Variants in TBL1XR1 observed in about 807,000 individuals in gnomAD.
The protein encoded by TBL1XR1 is TBL1X/Y related 1, also known as F-box-like/WD repeat-containing protein TBL1XR1.
Under a neutral mutation model 66.9 loss-of-function variants are expected in TBL1XR1, and 5 were observed. The ratio of observed to expected loss-of-function variants is 0.07; its 90% CI spans 0.04 to 0.16. TBL1XR1 has a LOEUF of 0.16. Ranked by LOEUF, TBL1XR1 falls within the 10% of genes least tolerant of loss-of-function variation. The pLI is 1.00. For synonymous variants in TBL1XR1, 210 were observed against 206.0 expected, an observed-to-expected ratio of 1.02 and a Z score of -0.17; for missense variants, 238 against 623.2, an observed-to-expected ratio of 0.38 and a Z score of 6.58.
chr3:177,107,041 T>C (rs1031058987), intron 1 of TBL1XR1, among the ~76,000 whole-genome samples: 5 of 152,210 alleles, frequency 3.3e-5, no homozygotes, highest in African/African-American at 1.2e-4. Flanking sequence ...AAGCAGTTCT[T>C]CAAACACTCT....
chr3:177,042,241 A>T (rs1017348129), intron 10 of TBL1XR1, among the ~76,000 whole-genome samples: 1 of 152,114 alleles, frequency 6.6e-6, no homozygotes, highest in Non-Finnish European at 1.5e-5. Context: ...AGTGCAAAAA[A>T]ATGGGGAAGG....
At chr3:177,201,141 A>T (rs2109036373), upstream of TBL1XR1, among the ~76,000 whole-genome samples, 1 of 151,648 alleles carries the variant, frequency 6.6e-6, no homozygotes, top group Non-Finnish European at 1.5e-5. Flanking sequence ...TGCCGGGTGC[A>T]GTGGCTCACA....
chr3:177,034,069 A>T, intron 13 of TBL1XR1, 129 bp downstream of exon 13: 1 of 1,054,542 alleles, frequency 9.5e-7, no homozygotes, highest in Non-Finnish European at 1.4e-6. Flanking sequence ...TACACCAAAA[A>T]CTACTGAAAT....
chr3:177,165,757 A>C (rs1454150598), intron 1 of TBL1XR1, among the ~76,000 whole-genome samples: 1 of 152,150 alleles, frequency 6.6e-6, no homozygotes, highest in Non-Finnish European at 1.5e-5. Flanking sequence ...ATATGCAAAA[A>C]ACCAGTCTAG....
intron 1 of TBL1XR1, among the ~76,000 whole-genome samples, chr3:177,145,642 T>C (rs1452259361): frequency 1.3e-5 from 2 of 152,214 alleles, no homozygotes; most frequent in Admixed American, 6.5e-5. Context: ...CCCAGACCTT[T>C]CTGGGACTAT....
intron 1 of TBL1XR1, among the ~76,000 whole-genome samples, chr3:177,149,142 C>T (rs1034022011): frequency 2.6e-5 from 4 of 152,210 alleles, no homozygotes; most frequent in African/African-American, 4.8e-5. Context: ...TGGCAACAGC[C>T]AATGCTAGCC....
rs75282507 is a variant in TBL1XR1, at chr3:177,165,535, A to G, written c.-122+31586T>C. ...TTTTTTTGAAGGAGAGAACAAAGTG[A>G]AAGGATTTGCCCTACTTGACCTCAA... On this transcript the variant is annotated intron_variant, in intron 1 of 15. Transcript: ENST00000457928. 0.047 allele frequency among the ~76,000 whole-genome samples: 7,088 copies of G among 152,200 alleles called. 774 individuals are homozygous for G. The East Asian group carries it at 0.49, about 10-fold the overall frequency.
chr3:177,170,902 T>A (rs1054252076), intron 1 of TBL1XR1, among the ~76,000 whole-genome samples: 1 of 151,808 alleles, frequency 6.6e-6, no homozygotes, highest in Admixed American at 6.6e-5. Context: ...ACCGTGCCAA[T>A]GATCATGTCT....
At chr3:177,143,601 A>C (rs1344064130) in intron 1 of TBL1XR1, among the ~76,000 whole-genome samples, 2 of 152,226 alleles carry the variant, frequency 1.3e-5, no homozygotes, top group Non-Finnish European at 2.9e-5. Flanking sequence ...GTGCCTGTGC[A>C]AGTGAAAATT....
At chr3:177,051,472 G>A in intron 5 of TBL1XR1, 32 bp downstream of exon 5, 1 of 1,550,252 alleles carries the variant, frequency 6.5e-7, no homozygotes, top group South Asian at 1.2e-5. Context: ...AATAAACCAT[G>A]TAATTAAAAA....
chr3:177,187,062 G>A (rs964158772), intron 1 of TBL1XR1, among the ~76,000 whole-genome samples: 1 of 151,888 alleles, frequency 6.6e-6, no homozygotes, highest in Non-Finnish European at 1.5e-5. Context: ...AGCTACTCAG[G>A]AGGCTGAGGC....
intron 1 of TBL1XR1, among the ~76,000 whole-genome samples, chr3:177,162,203 G>A (rs1732295672): frequency 6.6e-6 from 1 of 152,196 alleles, no homozygotes; most frequent in Non-Finnish European, 1.5e-5. Flanking sequence ...GAGTAAAATA[G>A]ATAGTAGTAT....
At chr3:177,101,233 T>A (rs1353440834) in intron 1 of TBL1XR1, among the ~76,000 whole-genome samples, 1 of 152,242 alleles carries the variant, frequency 6.6e-6, no homozygotes, top group Non-Finnish European at 1.5e-5. Flanking sequence ...CTCTTGTAGT[T>A]TAAGTACTGG....
chr3:177,067,389 G>A (rs888402627), intron 2 of TBL1XR1, among the ~76,000 whole-genome samples: 3 of 152,112 alleles, frequency 2.0e-5, no homozygotes, highest in African/African-American at 7.2e-5. Flanking sequence ...CCAAAACTTG[G>A]ATGAAAGTAT....
intron 2 of TBL1XR1, among the ~76,000 whole-genome samples, chr3:177,096,645 T>C (rs1723529799): frequency 6.6e-6 from 1 of 152,166 alleles, no homozygotes; most frequent in African/African-American, 2.4e-5. Flanking sequence ...GTGAACTTCA[T>C]TTGAACAAAA....
intron 1 of TBL1XR1, among the ~76,000 whole-genome samples, chr3:177,186,726 T>C (rs1316532121): frequency 6.6e-6 from 1 of 152,208 alleles, no homozygotes; most frequent in Admixed American, 6.5e-5. Flanking sequence ...TATGAAAGGC[T>C]GTAGATTTTT....
At chr3:177,144,754 A>G (rs1375028997) in intron 1 of TBL1XR1, among the ~76,000 whole-genome samples, 1 of 151,914 alleles carries the variant, frequency 6.6e-6, no homozygotes. Context: ...CTCCGTCCCA[A>G]AAAAAAAGAA....
intron 7 of TBL1XR1, 113 bp from the exon 8 acceptor site, chr3:177,047,662 C>A: frequency 8.1e-7 from 1 of 1,240,936 alleles, no homozygotes; most frequent in South Asian, 1.4e-5. Flanking sequence ...ACATTCTCTG[C>A]TTCAAAACTT....
chr3:177,196,663 A>C (rs1736895664), intron 1 of TBL1XR1, among the ~76,000 whole-genome samples: 1 of 151,850 alleles, frequency 6.6e-6, no homozygotes, highest in African/African-American at 2.4e-5. Context: ...CTCTGCTAAA[A>C]ATAGGCTATA....
Sources: gnomAD v4.1 joint callset for allele counts (sites outside exome capture counted in the v4.1 genomes callset) on GRCh38, gnomAD v4.1.1 for gene constraint, MANE v1.5 for transcripts, NCBI Gene and HGNC (gene_info 2026-07-23, HGNC 2026-07-21) for gene names.